GRID2: variants seen among roughly 807,000 people sequenced by gnomAD.
GRID2 encodes the protein glutamate ionotropic receptor delta type subunit 2, also known as glutamate receptor ionotropic, delta-2.
A neutral mutation model predicts 114.8 loss-of-function variants in GRID2; 33 were observed. The ratio of observed to expected loss-of-function variants is 0.29; its 90% CI spans 0.22 to 0.38. The LOEUF (loss-of-function observed/expected upper bound fraction) is 0.38, where lower values mean the gene tolerates loss of function less well. Among genes scored for constraint, GRID2 ranks in the 10% least tolerant of loss-of-function variants. The probability of loss-of-function intolerance (pLI) is 1.00; values close to 1 mark genes in which losing one functional copy is unlikely to be tolerated. For synonymous variants in GRID2, 505 were observed against 449.9 expected, an observed-to-expected ratio of 1.12 and a Z score of -1.55; for missense variants, 1,184 against 1,257.7, an observed-to-expected ratio of 0.94 and a Z score of 0.89.
intron 3 of GRID2, among the ~76,000 whole-genome samples, chr4:93,095,480 A>G (rs1731133200): frequency 6.6e-6 from 1 of 152,114 alleles, no homozygotes; most frequent in South Asian, 2.1e-4. Flanking sequence ...AAAGCAAAGA[A>G]TAAAACACAA....
intron 4 of GRID2, among the ~76,000 whole-genome samples, chr4:93,168,552 A>G (rs529320828): frequency 6.6e-6 from 1 of 152,196 alleles, no homozygotes; most frequent in Non-Finnish European, 1.5e-5. Flanking sequence ...GATTCCATAA[A>G]TTAATTTATT....
rs1238239880 is a variant in GRID2, at chr4:93,635,697, A to G, written c.2360+9262A>G. 3.3e-5 allele frequency among the ~76,000 whole-genome samples: 5 copies of G among 152,170 alleles called. No homozygotes were observed. The East Asian group carries it at 9.7e-4, about 29-fold the overall frequency. On this transcript the variant is annotated intron_variant, in intron 14 of 15. Coordinates refer to ENST00000282020, the MANE Select transcript of GRID2 (RefSeq NM_001510.4). Reference sequence around the variant, plus strand: ...CCTGAATCCTTGTGGAGCTACTTTTATGACGGATATCCTATGAGTTTTAGC... The same window carrying G: ...CCTGAATCCTTGTGGAGCTACTTTTGTGACGGATATCCTATGAGTTTTAGC...
intron 14 of GRID2, among the ~76,000 whole-genome samples, chr4:93,633,803 A>C (rs1721162406): frequency 6.6e-6 from 1 of 152,170 alleles, no homozygotes. Context: ...CAAGGAAAGT[A>C]AAAAACATTC....
chr4:92,654,702 T>C (rs1732139150), intron 2 of GRID2, among the ~76,000 whole-genome samples: 2 of 152,126 alleles, frequency 1.3e-5, no homozygotes, highest in South Asian at 4.1e-4. Flanking sequence ...TGGCTACCTG[T>C]ATGTCTTCTA....
At chr4:92,556,387 A>C (rs1344947135) in intron 1 of GRID2, among the ~76,000 whole-genome samples, 1 of 152,156 alleles carries the variant, frequency 6.6e-6, no homozygotes, top group African/African-American at 2.4e-5. Context: ...AATTTTTAGA[A>C]CATTATCCTA....
At chr4:93,717,464 C>T (rs1172049979) in intron 14 of GRID2, among the ~76,000 whole-genome samples, 1 of 151,778 alleles carries the variant, frequency 6.6e-6, no homozygotes, top group Non-Finnish European at 1.5e-5. Context: ...ACTTCAGAGC[C>T]CTTATATTCC....
intron 11 of GRID2, among the ~76,000 whole-genome samples, chr4:93,458,312 A>G (rs150626400): frequency 3.9e-5 from 6 of 152,310 alleles, no homozygotes; most frequent in Non-Finnish European, 7.4e-5. Context: ...TCTTTGCCCT[A>G]TGATGTCTGA....
At chr4:93,593,829 T>C (rs961920714) in intron 13 of GRID2, among the ~76,000 whole-genome samples, 2 of 152,174 alleles carry the variant, frequency 1.3e-5, no homozygotes, top group Non-Finnish European at 2.9e-5. Context: ...TGATACCCTT[T>C]CTTCCAGTTG....
intron 14 of GRID2, among the ~76,000 whole-genome samples, chr4:93,632,473 A>T (rs1721008838): frequency 6.6e-6 from 1 of 152,180 alleles, no homozygotes. Flanking sequence ...TTAAATAGGG[A>T]ATCCTTTCCC....
At chr4:93,374,586 A>G (rs1763207852) in intron 8 of GRID2, among the ~76,000 whole-genome samples, 1 of 140,326 alleles carries the variant, frequency 7.1e-6, no homozygotes, top group Non-Finnish European at 1.5e-5. Context: ...ATAAGTATAT[A>G]ATTTTAACAA....
chr4:93,590,312 A>C (rs1438080564), intron 13 of GRID2, among the ~76,000 whole-genome samples: 1 of 150,452 alleles, frequency 6.6e-6, no homozygotes, highest in African/African-American at 2.4e-5. Context: ...TAAATAGGGA[A>C]TCCTTTCCCC....
At chr4:93,697,023 T>G (rs1156868866) in intron 14 of GRID2, among the ~76,000 whole-genome samples, 1 of 152,166 alleles carries the variant, frequency 6.6e-6, no homozygotes, top group East Asian at 1.9e-4. Flanking sequence ...CATGCTATTA[T>G]GCAAAAAATA....
intron 14 of GRID2, among the ~76,000 whole-genome samples, chr4:93,740,836 C>A (rs1731301126): frequency 6.6e-6 from 1 of 151,246 alleles, no homozygotes; most frequent in Non-Finnish European, 1.5e-5. Context: ...ATTTAAATTT[C>A]AATGGCCTGA....
chr4:92,865,940 T>C (rs911442939), intron 2 of GRID2, among the ~76,000 whole-genome samples: 1 of 152,154 alleles, frequency 6.6e-6, no homozygotes, highest in Non-Finnish European at 1.5e-5. Context: ...TTTGTAAAAG[T>C]GAGTAAATTA....
At chr4:93,597,016 T>C (rs761260463) in intron 13 of GRID2, among the ~76,000 whole-genome samples, 1 of 152,130 alleles carries the variant, frequency 6.6e-6, no homozygotes, top group African/African-American at 2.4e-5. Flanking sequence ...ATGAAGAAAA[T>C]TGTAAAAGAA....
intron 13 of GRID2, among the ~76,000 whole-genome samples, chr4:93,542,627 C>T (rs931982286): frequency 5.9e-5 from 9 of 152,074 alleles, no homozygotes; most frequent in Non-Finnish European, 8.8e-5. Context: ...GCTTCACTTT[C>T]CCCCAAGGAA....
intron 2 of GRID2, among the ~76,000 whole-genome samples, chr4:92,809,267 G>T (rs1421959553): frequency 2.0e-5 from 3 of 151,836 alleles, no homozygotes; most frequent in Admixed American, 6.6e-5. Context: ...AATTTTAATT[G>T]AGCCTTAGGA....
chr4:93,396,836 C>G (rs1765377621), intron 9 of GRID2, among the ~76,000 whole-genome samples: 1 of 151,872 alleles, frequency 6.6e-6, no homozygotes, highest in Non-Finnish European at 1.5e-5. Context: ...AGCCATAAAC[C>G]ACGAAGGCAT....
rs183593056 is a variant in GRID2, at chr4:93,724,130, C to G, written c.2361-45080C>G. ...CGAAATGAGTCCTACAGAAGTTTGG[C>G]TACCATCCAGATTCACTTTTTCCTC... On this transcript the variant is annotated intron_variant, in intron 14 of 15. Coordinates refer to ENST00000282020, the MANE Select transcript of GRID2 (RefSeq NM_001510.4). Among the ~76,000 whole-genome samples, 351 of 152,288 alleles carry G rather than the reference C, an allele frequency of 2.3e-3. 6 individuals carry two copies. The South Asian group carries it at 0.035, about 15-fold the overall frequency.
Sources: allele counts gnomAD v4.1 joint callset (sites outside exome capture counted in the v4.1 genomes callset), GRCh38; gene constraint gnomAD v4.1.1; transcripts MANE v1.5; gene names NCBI Gene and HGNC (gene_info 2026-07-23, HGNC 2026-07-21).